Variants in BRPF3 observed in about 807,000 individuals in gnomAD.
The protein encoded by BRPF3 is bromodomain and PHD finger-containing protein 3.
Under a neutral mutation model 102.0 loss-of-function variants are expected in BRPF3, and 18 were observed. The ratio of observed to expected loss-of-function variants is 0.18; its 90% confidence interval spans 0.12 to 0.26. The LOEUF is 0.26. Ranked by LOEUF, BRPF3 falls within the 10% of genes least tolerant of loss-of-function variation. BRPF3 has a pLI of 1.00. For synonymous variants in BRPF3, 570 were observed against 614.2 expected (o/e 0.93, Z 1.06); for missense variants, 1,147 against 1,567.8 (o/e 0.73, Z 4.53).
chr6:36,202,498 G>A (rs1209009547), intron 2 of BRPF3, among the ~76,000 whole-genome samples: 3 of 149,154 alleles, frequency 2.0e-5, no homozygotes, highest in Non-Finnish European at 4.4e-5. Context: ...GGAACCATTG[G>A]AGGGATGGGA....
chr6:36,220,716 T>C (rs1768504973), intron 9 of BRPF3, among the ~76,000 whole-genome samples: 1 of 152,266 alleles, frequency 6.6e-6, no homozygotes, highest in Non-Finnish European at 1.5e-5. Flanking sequence ...AAATGGGAAC[T>C]AAATCCTAAA....
chr6:36,198,264 T>C (rs954080829), intron 1 of BRPF3, among the ~76,000 whole-genome samples: 1 of 152,176 alleles, frequency 6.6e-6, no homozygotes, highest in Non-Finnish European at 1.5e-5. Flanking sequence ...GCCTTTCAAG[T>C]AAAGATGTTA....
chr6:36,201,567 G>A lies in BRPF3; in HGVS notation c.1245G>A (p.Glu415=). The change falls in exon 2 of 13, where the codon GAG becomes GAA. Residue 415 remains glutamate, a synonymous_variant. Coordinates refer to ENST00000357641, the MANE Select transcript of BRPF3 (RefSeq NM_015695.3). This position sits in a 1 kb window ranked among gnomAD's most constrained non-coding sequence, Gnocchi z 5.1. ...CTGGCGATGAGGAAGGGCTGAAGGA[G>A]GGTGATGGAGAGGAGGAAGAAGAGG... ...SETGDEEGLK[E]GDGEEEEEEE... is the part of the protein sequence containing the mutation. 6.2e-7 allele frequency: 1 copy of A among 1,614,034 alleles called. No individual in the cohort carries two copies. Among genetic ancestry groups the A allele is most frequent in the South Asian group, 1.1e-5 (1 of 91,074 alleles).
At chr6:36,224,670 G>A (rs1416384073) in intron 10 of BRPF3, among the ~76,000 whole-genome samples, 1 of 152,232 alleles carries the variant, frequency 6.6e-6, no homozygotes, top group Non-Finnish European at 1.5e-5. Flanking sequence ...GAGGCCCAGA[G>A]AGCAGTATGT....
At chr6:36,202,637 T>C (rs1458888608) in intron 2 of BRPF3, among the ~76,000 whole-genome samples, 1 of 152,108 alleles carries the variant, frequency 6.6e-6, no homozygotes, top group Non-Finnish European at 1.5e-5. Flanking sequence ...GATGTAGTCC[T>C]TGCACCTTCT....
At position 36,230,679 on chromosome 6, in the gene BRPF3, C is replaced by T; in HGVS notation, c.*70C>T. Reference sequence around the variant, plus strand: ...AGGGCACAGAGAAGCCTCTTCTGCCCCTGCCAGATGTATGGCCGGCAGCTT... The same window carrying T: ...AGGGCACAGAGAAGCCTCTTCTGCCTCTGCCAGATGTATGGCCGGCAGCTT... On this transcript the variant is annotated 3_prime_UTR_variant, in exon 13 of 13. Transcript: ENST00000357641. The surrounding 1 kb of genome is among the most constrained non-coding windows in gnomAD (Gnocchi z 5.4). 6.5e-7 allele frequency: 1 copy of T among 1,526,884 alleles called. No individual in the cohort carries two copies. The highest frequency in any genetic ancestry group is 8.9e-7 in the Non-Finnish European group (1 of 1,127,198). The allele number at this position is 1,526,884 out of a possible 1,614,324, so 94.6% of individuals were successfully genotyped here.
intron 11 of BRPF3, among the ~76,000 whole-genome samples, chr6:36,225,739 G>C (rs1452367297): frequency 6.6e-6 from 1 of 152,122 alleles, no homozygotes; most frequent in Non-Finnish European, 1.5e-5. Flanking sequence ...ATTACATTTT[G>C]TAAGAAGAAA....
intron 8 of BRPF3, among the ~76,000 whole-genome samples, chr6:36,214,906 G>A (rs1460535950): frequency 6.6e-6 from 1 of 152,132 alleles, no homozygotes; most frequent in Non-Finnish European, 1.5e-5. Flanking sequence ...AAGATCTGAA[G>A]GAGTTGAAGG....
chr6:36,201,733 C>T lies in BRPF3; in HGVS notation c.1411C>T (p.Leu471Phe). 6.2e-7 allele frequency: 1 copy of T among 1,611,740 alleles called. No individual in the cohort carries two copies. The highest frequency in any genetic ancestry group is 8.5e-7 in the Non-Finnish European group (1 of 1,178,794). The change falls in exon 2 of 13, where the codon CTC becomes TTC. Residue 471 changes from leucine to phenylalanine, a missense_variant. By Grantham distance (22) the Leu-to-Phe change is conservative. Around this residue, in one of 11 missense-constraint regions of BRPF3, gnomAD observed 157 missense variants for 163.6 expected, o/e 0.96. Transcript: ENST00000357641. The surrounding 1 kb of genome is among the most constrained non-coding windows in gnomAD (Gnocchi z 5.1). ...AGCAGGCCAAGACACACCCTCCACT[C>T]TCCCCATGCTTGCTGTCCCACAGAT... Reference protein sequence around the residue: ...EEAGQDTPSTLPMLAVPQIPS... With the variant: ...EEAGQDTPSTFPMLAVPQIPS...
At chr6:36,199,594 T>C (rs1469990209) in intron 1 of BRPF3, among the ~76,000 whole-genome samples, 1 of 152,252 alleles carries the variant, frequency 6.6e-6, no homozygotes, top group African/African-American at 2.4e-5. Context: ...TTTGATCCTC[T>C]GATGGGGCCC....
chr6:36,207,522 G>T, intron 4 of BRPF3, 78 bp downstream of exon 4: 1 of 1,534,842 alleles, frequency 6.5e-7, no homozygotes, highest in Non-Finnish European at 8.8e-7. Context: ...TGGGAAATCT[G>T]GGAGCCCCTG....
rs1767675874 is a variant in BRPF3, at chr6:36,200,937, A to G, written c.615A>G (p.Gln205=). The change falls in exon 2 of 13, where the codon CAA becomes CAG. Residue 205 remains glutamine (Q), a synonymous_variant. Transcript: ENST00000357641. The surrounding 1 kb of genome is among the most constrained non-coding windows in gnomAD (Gnocchi z 5.3). ...SYLESRSSGA[Q]QSLIDEDAFC... is the part of the protein sequence containing the mutation. Reference sequence around the variant, plus strand: ...TGGAGAGTCGCAGCAGTGGGGCCCAACAGTCACTCATCGATGAAGACGCTT... The same window carrying G: ...TGGAGAGTCGCAGCAGTGGGGCCCAGCAGTCACTCATCGATGAAGACGCTT... 1.2e-6 allele frequency: 2 copies of G among 1,614,056 alleles called. No homozygotes were observed. Among genetic ancestry groups the G allele is most frequent in the Non-Finnish European group, 1.7e-6 (2 of 1,180,032 alleles).
In BRPF3 at chr6:36,228,925, G is replaced by A. The variant is rs756612093; in HGVS notation, c.3303G>A (p.Arg1101=). Residue 1101 remains arginine, a synonymous_variant, in exon 12 of 13, where the codon CGG becomes CGA. Coordinates refer to ENST00000357641, the MANE Select transcript of BRPF3 (RefSeq NM_015695.3). ...PALIIDPKMP[R]EGLLHNGVPI... ...AGATCATCGATCCCAAGATGCCCCG[G>A]GAGGGCCTCCTGCACAATGGCGTTC... The A allele has an allele frequency of 1.9e-6, 3 of 1,614,148 alleles. No individual in the cohort carries two copies. Among genetic ancestry groups the A allele is most frequent in the Non-Finnish European group, 8.5e-7 (1 of 1,180,012 alleles).
chr6:36,208,368 G>A (rs1767978773), intron 4 of BRPF3, among the ~76,000 whole-genome samples: 1 of 152,182 alleles, frequency 6.6e-6, no homozygotes, highest in African/African-American at 2.4e-5. Flanking sequence ...GGGCACAGTG[G>A]CTCATGCCTG....
chr6:36,223,739 G>A (rs6912989), intron 10 of BRPF3, among the ~76,000 whole-genome samples: 13 of 151,848 alleles, frequency 8.6e-5, no homozygotes, highest in South Asian at 2.1e-4. Context: ...GGTTGTTTCC[G>A]GCTTTTAGCA....
In BRPF3 at chr6:36,200,747, A is replaced by G. The variant is rs1431118160; in HGVS notation, c.425A>G (p.Glu142Gly). The part of the protein sequence containing the change: ...PLPAAYYRYI[E>G]KPPEDLDAEV... The stretch of plus-strand genomic sequence containing the variant: ...CCTGCTGCCTACTACCGCTACATTG[A>G]GAAGCCACCTGAAGACCTGGATGCA... Residue 142 changes from glutamate (E) to glycine (G), a missense_variant, in exon 2 of 13, where the codon GAG becomes GGG. Glu to Gly is a moderately conservative substitution (Grantham distance 98). Coordinates refer to ENST00000357641, the MANE Select transcript of BRPF3 (RefSeq NM_015695.3). The surrounding 1 kb of genome is among the most constrained non-coding windows in gnomAD (Gnocchi z 5.3). 2 of 1,614,162 alleles carry G rather than the reference A, an allele frequency of 1.2e-6. No homozygotes were observed. The highest frequency in any genetic ancestry group is 1.7e-6 in the Non-Finnish European group (2 of 1,180,024).
At chr6:36,223,680 T>C (rs1768631827) in intron 10 of BRPF3, among the ~76,000 whole-genome samples, 1 of 152,222 alleles carries the variant, frequency 6.6e-6, no homozygotes, top group African/African-American at 2.4e-5. Flanking sequence ...GAACAGTGTA[T>C]CTAACAATGC....
intron 11 of BRPF3, 55 bp downstream of exon 11, chr6:36,225,419 A>T: frequency 2.0e-6 from 3 of 1,473,194 alleles, no homozygotes; most frequent in Non-Finnish European, 1.9e-6. Context: ...CTTGGGGGCT[A>T]ATCTGATTGG....
Position 36,230,564 on chromosome 6 carries a change from C to T in BRPF3, c.3573C>T (p.Ser1191=). ...ATGACCGTGCGATGATCCACCTGAGCAGAGTCCGGGGGCCCCACTCCTTCG... is the reference window on the plus strand; with the variant it reads ...ATGACCGTGCGATGATCCACCTGAGTAGAGTCCGGGGGCCCCACTCCTTCG... The part of the protein sequence containing the change: ...VAYDRAMIHL[S]RVRGPHSFVT... Residue 1191 remains serine, a synonymous_variant, in exon 13 of 13, where the codon AGC becomes AGT. Transcript: ENST00000357641. This position sits in a 1 kb window ranked among gnomAD's most constrained non-coding sequence, Gnocchi z 5.4. 1.2e-6 allele frequency: 2 copies of T among 1,614,174 alleles called. No individual in the cohort carries two copies. Among genetic ancestry groups the T allele is most frequent in the Non-Finnish European group, 1.7e-6 (2 of 1,180,010 alleles).
Sources: allele counts gnomAD v4.1 joint callset (sites outside exome capture counted in the v4.1 genomes callset), GRCh38; gene constraint gnomAD v4.1.1; regional missense constraint gnomAD v4.1.1; non-coding constraint Gnocchi (gnomAD v3.1); transcripts MANE v1.5; gene names NCBI Gene and HGNC (gene_info 2026-07-23, HGNC 2026-07-21).